ZNF608: variants seen among roughly 807,000 people sequenced by gnomAD.
ZNF608 encodes renal carcinoma antigen NY-REN-36.
Under a neutral mutation model 109.0 loss-of-function variants are expected in ZNF608, and 12 were observed. The ratio of observed to expected loss-of-function variants is 0.11; its 90% CI spans 0.07 to 0.18. ZNF608 has a LOEUF of 0.18. ZNF608 is among the 10% of genes least tolerant of loss of function. ZNF608 has a pLI of 1.00. For synonymous variants in ZNF608, 732 were observed against 717.4 expected (o/e 1.02, Z -0.33); for missense variants, 1,707 against 1,879.3 (o/e 0.91, Z 1.70).
Position 124,701,144 on chromosome 5 carries a change from C to A in ZNF608, c.1032G>T (p.Leu344Phe). The change falls in exon 3 of 10, where the codon TTG becomes TTT. Residue 344 changes from leucine (L) to phenylalanine (F), a missense_variant. This residue lies in a region of ZNF608 where 407 missense variants were observed against 398.7 expected (regional missense o/e 1.02). Coordinates refer to ENST00000513986, the MANE Select transcript of ZNF608 (RefSeq NM_020747.3). The part of the protein sequence containing the change: ...SNIAAPVEQL[L>F]VRTRSVGVNT... ...TGACACCCACAGAACGAGTCCGAAC[C>A]AAAAGCTGTTCAACCGGTGCTGCAA... The A allele has an allele frequency of 1.2e-6, 2 of 1,614,070 alleles. No homozygotes were observed. The highest frequency in any genetic ancestry group is 1.1e-5 in the South Asian group (1 of 91,080).
intron 3 of ZNF608, among the ~76,000 whole-genome samples, chr5:124,678,425 T>C (rs1329705347): frequency 6.6e-6 from 1 of 151,938 alleles, no homozygotes; most frequent in African/African-American, 2.4e-5. Context: ...CCTGGCAGAG[T>C]TTCTTTTTCT....
In ZNF608 at chr5:124,648,995, C is replaced by A; in HGVS notation, c.1389G>T (p.Gly463=). ...CCCGCCTCCCTTTCCCATTGGCCCCCCCTCTGTTCTTATTCTGCAGCCCTC... is the reference window on the plus strand; with the variant it reads ...CCCGCCTCCCTTTCCCATTGGCCCCACCTCTGTTCTTATTCTGCAGCCCTC... The part of the protein sequence containing the change: ...ESRGLQNKNR[G]GANGKGRRGS... The change falls in exon 5 of 10, where the codon GGG becomes GGT. Residue 463 remains glycine (G), a synonymous_variant. Transcript: ENST00000513986. 1 of 1,614,176 alleles carries A rather than the reference C, an allele frequency of 6.2e-7. No homozygotes were observed.
At position 124,648,453 on chromosome 5, in the gene ZNF608, A is replaced by T. The variant is rs758545865; in HGVS notation, c.1931T>A (p.Met644Lys). Residue 644 changes from methionine (M) to lysine (K), a missense_variant, in exon 5 of 10, where the codon ATG (methionine) becomes AAG (lysine). Met to Lys is a moderately conservative substitution (Grantham distance 95, BLOSUM62 -1). Around this residue, in one of 7 missense-constraint regions of ZNF608, gnomAD observed 1,073 missense variants for 1,133.5 expected, o/e 0.95. Transcript: ENST00000513986. Reference sequence around the variant, plus strand: ...AATAATGGAACCTGGGCCATTGCTCATCAGCTCTCTCTTTCCCTTTGGGGT... The same window carrying T: ...AATAATGGAACCTGGGCCATTGCTCTTCAGCTCTCTCTTTCCCTTTGGGGT... Reference protein sequence around the residue: ...PGTPKGKRELMSNGPGSIIGA... With the variant: ...PGTPKGKRELKSNGPGSIIGA... The T allele has an allele frequency of 6.2e-7, 1 of 1,614,196 alleles. No individual in the cohort carries two copies. The highest frequency in any genetic ancestry group is 1.3e-5 in the African/African-American group (1 of 75,038).
At chr5:124,693,974 C>CTTTATTTTTTTTTTTTTTTTTTTT (rs1752723692) in intron 3 of ZNF608, among the ~76,000 whole-genome samples, 1 of 60,934 alleles carries the variant, frequency 1.6e-5, no homozygotes, top group Non-Finnish European at 2.7e-5. Context: ...TTTCATTAAT[C>CTTTATTTTTTTTTTTTTTTTTTTT]TTTTTTTTTT....
At chr5:124,680,410 C>T (rs975634825) in intron 3 of ZNF608, among the ~76,000 whole-genome samples, 1 of 151,336 alleles carries the variant, frequency 6.6e-6, no homozygotes, top group African/African-American at 2.4e-5. Flanking sequence ...AAGAGTGAAT[C>T]CTTCACTCTC....
intron 3 of ZNF608, among the ~76,000 whole-genome samples, chr5:124,654,795 A>G (rs1366441772): frequency 1.3e-5 from 2 of 152,344 alleles, no homozygotes; most frequent in East Asian, 3.9e-4. Flanking sequence ...GGAAATGGCT[A>G]TTGTGATCTC....
upstream of ZNF608, chr5:124,748,800 G>C (rs546264116): frequency 3.9e-5 from 6 of 152,964 alleles, no homozygotes; most frequent in South Asian, 4.1e-4. Flanking sequence ...ACACACACAG[G>C]GGGAGTGGAG....
chr5:124,638,705 A>ATTT (rs1750096143), intron 9 of ZNF608: 1 of 317,288 alleles, frequency 3.2e-6, no homozygotes, highest in Non-Finnish European at 4.8e-6. Flanking sequence ...TTATAATATT[A>ATTT]ATAATTTAAT....
chr5:124,719,241 A>T (rs925087263), intron 2 of ZNF608, among the ~76,000 whole-genome samples: 1 of 152,222 alleles, frequency 6.6e-6, no homozygotes, highest in Admixed American at 6.5e-5. Context: ...AATGTATGTC[A>T]CAGGCACAGC....
intron 3 of ZNF608, among the ~76,000 whole-genome samples, chr5:124,695,124 T>G (rs1016606543): frequency 6.6e-6 from 1 of 152,172 alleles, no homozygotes; most frequent in African/African-American, 2.4e-5. Flanking sequence ...GCATGCCCAC[T>G]AGACATCTCA....
At chr5:124,740,873 C>T (rs370818336) in intron 2 of ZNF608, among the ~76,000 whole-genome samples, 1 of 152,120 alleles carries the variant, frequency 6.6e-6, no homozygotes, top group Non-Finnish European at 1.5e-5. Flanking sequence ...ATCAAATAAA[C>T]CCATCAACTT....
intron 2 of ZNF608, among the ~76,000 whole-genome samples, chr5:124,717,038 C>T (rs1753732540): frequency 6.6e-6 from 1 of 152,066 alleles, no homozygotes; most frequent in African/African-American, 2.4e-5. Flanking sequence ...GCCAAGATGA[C>T]ACCATTGCAC....
In ZNF608 at chr5:124,672,401, G is replaced by T. The variant is rs116464088; in HGVS notation, c.1163-22704C>A. ...TCCATGGAAATAATGAATCTCTAAA[G>T]AACTAATAAACTAATCTAACTATGC... is the stretch of plus-strand genomic sequence containing the variant. On this transcript the variant is annotated intron_variant, in intron 3 of 9. Transcript: ENST00000513986. 2.8e-3 allele frequency among the ~76,000 whole-genome samples: 433 copies of T among 152,236 alleles called. 3 individuals carry two copies. The highest frequency in any genetic ancestry group is 8.6e-3 in the African/African-American group (359 of 41,560).
At chr5:124,689,617 T>A (rs879768869) in intron 3 of ZNF608, among the ~76,000 whole-genome samples, 1 of 152,018 alleles carries the variant, frequency 6.6e-6, no homozygotes, top group African/African-American at 2.4e-5. Flanking sequence ...AAAAAAGATA[T>A]ACAGATGGCT....
intron 2 of ZNF608, among the ~76,000 whole-genome samples, chr5:124,703,917 C>CCT (rs151273797): frequency 2.6e-4 from 39 of 151,254 alleles, no homozygotes; most frequent in Middle Eastern, 6.8e-3. Context: ...CACACACACC[C>CCT]CTCTCTCTCT....
intron 2 of ZNF608, among the ~76,000 whole-genome samples, chr5:124,708,982 AC>A: frequency 6.6e-6 from 1 of 151,498 alleles, no homozygotes; most frequent in Non-Finnish European, 1.5e-5. Flanking sequence ...GACCAGCCTG[AC>A]CAACATGGAA....
intron 3 of ZNF608, among the ~76,000 whole-genome samples, chr5:124,651,248 T>C (rs571459007): frequency 6.6e-5 from 10 of 152,312 alleles, no homozygotes; most frequent in African/African-American, 2.2e-4. Context: ...TAATTAGGCA[T>C]TTGGTCAAAA....
intron 2 of ZNF608, among the ~76,000 whole-genome samples, chr5:124,718,706 G>A (rs1276762883): frequency 6.6e-6 from 1 of 152,076 alleles, no homozygotes; most frequent in African/African-American, 2.4e-5. Flanking sequence ...TGTTGAATTG[G>A]CCCAAGGAAG....
At chr5:124,721,501 A>G (rs1048098583) in intron 2 of ZNF608, among the ~76,000 whole-genome samples, 3 of 152,206 alleles carry the variant, frequency 2.0e-5, no homozygotes, top group Admixed American at 1.3e-4. Context: ...AAAAGTGTAG[A>G]TAAACGACAT....
Sources: allele counts gnomAD v4.1 joint callset (sites outside exome capture counted in the v4.1 genomes callset), GRCh38; gene constraint gnomAD v4.1.1; regional missense constraint gnomAD v4.1.1; transcripts MANE v1.5; gene names NCBI Gene and HGNC (gene_info 2026-07-23, HGNC 2026-07-21).